The following C19orf47 variants were observed in gnomAD, a reference collection of about 807,000 sequenced individuals.
C19orf47 encodes the protein chromosome 19 open reading frame 47.
In C19orf47, 18 loss-of-function variants were observed where a neutral mutation model predicts 32.3. The ratio of observed to expected loss-of-function variants is 0.56; its 90% CI spans 0.39 to 0.83. The LOEUF is 0.83. Among genes scored for constraint, C19orf47 ranks in the 40% least tolerant of loss-of-function variants. C19orf47 has a pLI of 0.00. For missense variants in C19orf47, 484 were observed against 531.6 expected, an observed-to-expected ratio of 0.91 and a Z score of 0.88; for synonymous variants, 202 against 211.1, an observed-to-expected ratio of 0.96 and a Z score of 0.37.
intron 1 of C19orf47, 72 bp downstream of exon 1, chr19:40,348,252 G>T: frequency 9.2e-7 from 1 of 1,091,430 alleles, no homozygotes; most frequent in Non-Finnish European, 1.2e-6. Context: ...CCCGAACTGA[G>T]TCCAGACACC....
intron 5 of C19orf47, among the ~76,000 whole-genome samples, chr19:40,331,759 G>C (rs190404937): frequency 6.6e-6 from 1 of 152,120 alleles, no homozygotes; most frequent in African/African-American, 2.4e-5. Context: ...GGTATCTGTC[G>C]GGTGCGGTGG....
At chr19:40,307,089 CTTTTTTTTT>C in the C19orf47 span, among the ~76,000 whole-genome samples, 1 of 64,844 alleles carries the variant, frequency 1.5e-5, no homozygotes, top group Non-Finnish European at 2.8e-5. Flanking sequence ...GCGCCCGGCC[CTTTTTTTTT>C]TTTTTTTTTT....
At chr19:40,301,521 T>G in the C19orf47 span, among the ~76,000 whole-genome samples, 1 of 151,388 alleles carries the variant, frequency 6.6e-6, no homozygotes, top group Non-Finnish European at 1.5e-5. Flanking sequence ...TTTGTATTTT[T>G]GGTAGAGACG....
chr19:40,309,361 G>A, the C19orf47 span, among the ~76,000 whole-genome samples: 2 of 151,940 alleles, frequency 1.3e-5, no homozygotes, highest in Non-Finnish European at 2.9e-5. Context: ...GCTAATTTTT[G>A]TATTTTTAGT....
chr19:40,319,870 G>A lies in C19orf47; in HGVS notation c.*2012C>T, dbSNP rs187360514. 143 of 154,072 alleles carry A rather than the reference G, an allele frequency of 9.3e-4. No homozygotes were observed. Among genetic ancestry groups the A allele is most frequent in the Middle Eastern group, 3.3e-3 (1 of 300 alleles). 9.5% of individuals were successfully genotyped at this position (154,072 alleles called of 1,614,324 possible). The stretch of plus-strand genomic sequence containing the variant: ...GGCTTTGATTCCAGCTGTACCCTGC[G>A]CACTGTCAGCAGCCATGAACCCCCA... On this transcript the variant is annotated 3_prime_UTR_variant, in exon 9 of 9. Coordinates refer to ENST00000683109, the MANE Select transcript of C19orf47 (RefSeq NM_001256441.2).
chr19:40,327,450 A>G (rs1174872817), intron 6 of C19orf47, among the ~76,000 whole-genome samples: 3 of 151,994 alleles, frequency 2.0e-5, no homozygotes, highest in African/African-American at 7.2e-5. Context: ...CACCATGCCC[A>G]GCCTGATTTT....
Position 40,321,625 on chromosome 19 carries a change from C to G in C19orf47, c.*257G>C. 7.8e-7 allele frequency: 1 copy of G among 1,288,112 alleles called. No homozygotes were observed. Among genetic ancestry groups the G allele is most frequent in the Non-Finnish European group, 9.8e-7 (1 of 1,018,762 alleles). The allele number at this position is 1,288,112 out of a possible 1,614,324, so 79.8% of individuals were successfully genotyped here. Reference sequence around the variant, plus strand: ...GGAGAGGTAGAAAAGTGGGTTCTGCCAAGGCCACAGCCAGAGAAGAAAGCA... The same window carrying G: ...GGAGAGGTAGAAAAGTGGGTTCTGCGAAGGCCACAGCCAGAGAAGAAAGCA... On this transcript the variant is annotated 3_prime_UTR_variant, in exon 9 of 9. Coordinates refer to ENST00000683109, the MANE Select transcript of C19orf47 (RefSeq NM_001256441.2).
chr19:40,344,143 C>T lies in C19orf47; in HGVS notation c.-33-2253G>A, dbSNP rs115425921. Reference sequence around the variant, plus strand: ...AGACATCACTCTGTCCTGTACTCAACACTCTTAGATCCAATTTCCCTCCTG... The same window carrying T: ...AGACATCACTCTGTCCTGTACTCAATACTCTTAGATCCAATTTCCCTCCTG... On this transcript the variant is annotated intron_variant, in intron 1 of 8. Coordinates refer to ENST00000683109, the MANE Select transcript of C19orf47 (RefSeq NM_001256441.2). Among the ~76,000 whole-genome samples the T allele has an allele frequency of 7.8e-3, 1,179 of 152,084 alleles. 4 individuals carry two copies. Among genetic ancestry groups the T allele is most frequent in the African/African-American group, 0.027 (1,116 of 41,508 alleles).
rs557729251 is a variant in C19orf47 at position 40,345,567 on chromosome 19, C to A, written c.-34+2757G>T. ...AAAAAAAAAAAAAAAAAAAACTGGG[C>A]GTGGTGGCTCACGCCTGTAATCACA... is the stretch of plus-strand genomic sequence containing the variant. On this transcript the variant is annotated intron_variant, in intron 1 of 8. Coordinates refer to ENST00000683109, the MANE Select transcript of C19orf47 (RefSeq NM_001256441.2). Among the ~76,000 whole-genome samples the A allele has an allele frequency of 5.7e-5, 8 of 140,880 alleles. No individual in the cohort carries two copies. In the Admixed American group the frequency reaches 5.8e-4, roughly 10 times the overall value. The allele number at this position is 140,880 out of a possible 152,430, so 92.4% of individuals were successfully genotyped here. A position where few individuals can be genotyped will look rare whatever the true frequency, so the allele number is the denominator to read the frequency against.
In C19orf47 at chr19:40,321,275, C is replaced by T. The variant is rs966691697; in HGVS notation, c.*607G>A. 13 of 986,418 alleles carry T rather than the reference C, an allele frequency of 1.3e-5. No homozygotes were observed. Among genetic ancestry groups the T allele is most frequent in the East Asian group, 1.1e-4 (1 of 8,814 alleles). 61.1% of individuals were successfully genotyped at this position (986,418 alleles called of 1,614,324 possible). A position where few individuals can be genotyped will look rare whatever the true frequency, so the allele number is the denominator to read the frequency against. On this transcript the variant is annotated 3_prime_UTR_variant, in exon 9 of 9. Transcript: ENST00000683109. ...CGGCTAACAGTCTCAACAGGCTCGA[C>T]GCCACCGCCGACGAGGGGGCCGCTG...
chr19:40,310,496 C>G, the C19orf47 span, among the ~76,000 whole-genome samples: 13 of 152,314 alleles, frequency 8.5e-5, 1 homozygote, highest in South Asian at 2.7e-3. Context: ...CCAGGGTAGT[C>G]TCGAACTCCT....
At chr19:40,297,257 A>C in the C19orf47 span, among the ~76,000 whole-genome samples, 1 of 152,280 alleles carries the variant, frequency 6.6e-6, no homozygotes, top group African/African-American at 2.4e-5. Context: ...CCTGACATGC[A>C]TTTGATGTAA....
intron 4 of C19orf47, among the ~76,000 whole-genome samples, chr19:40,334,215 G>A (rs375513244): frequency 1.3e-5 from 2 of 152,198 alleles, no homozygotes; most frequent in Non-Finnish European, 2.9e-5. Flanking sequence ...TCGGGAGGCC[G>A]AAGCGGGTGG....
intron 5 of C19orf47, among the ~76,000 whole-genome samples, chr19:40,329,949 A>G (rs1275006458): frequency 5.9e-5 from 9 of 152,186 alleles, no homozygotes. Context: ...GATGTCAGGA[A>G]TGTGATGCTT....
At chr19:40,301,427 G>A in the C19orf47 span, among the ~76,000 whole-genome samples, 2 of 149,170 alleles carry the variant, frequency 1.3e-5, no homozygotes, top group African/African-American at 2.5e-5. Flanking sequence ...TGCAACCTCC[G>A]CCTCCCAGGT....
intron 6 of C19orf47, among the ~76,000 whole-genome samples, chr19:40,327,035 T>G (rs2077846351): frequency 2.1e-5 from 3 of 145,544 alleles, no homozygotes; most frequent in Admixed American, 1.4e-4. Flanking sequence ...TTTTTGAGAC[T>G]GAGTTTTTGT....
chr19:40,315,465 G>T (rs1383747250), downstream of C19orf47, among the ~76,000 whole-genome samples: 2 of 152,138 alleles, frequency 1.3e-5, no homozygotes, highest in East Asian at 3.9e-4. Context: ...GGGCAATATA[G>T]TGAGACCTCG....
At chr19:40,328,312 C>T (rs1190347575) in intron 6 of C19orf47, 101 bp downstream of exon 6, 3 of 1,505,522 alleles carry the variant, frequency 2.0e-6, no homozygotes, top group Non-Finnish European at 2.7e-6. Flanking sequence ...TACCTTGTGG[C>T]CTTCAAAGCA....
At chr19:40,345,396 AC>A (rs2078252219) in intron 1 of C19orf47, among the ~76,000 whole-genome samples, 1 of 151,904 alleles carries the variant, frequency 6.6e-6, no homozygotes, top group Non-Finnish European at 1.5e-5. Context: ...ACTTCCCTCA[AC>A]TGCACAATAA....
Sources: allele counts gnomAD v4.1 joint callset (sites outside exome capture counted in the v4.1 genomes callset), GRCh38; gene constraint gnomAD v4.1.1; transcripts MANE v1.5; gene names NCBI Gene and HGNC (gene_info 2026-07-23, HGNC 2026-07-21).